Variants in TNFRSF10D observed in about 807,000 individuals in gnomAD.
TNFRSF10D encodes the protein tumor necrosis factor receptor superfamily member 10D.
A neutral mutation model predicts 42.1 loss-of-function variants in TNFRSF10D; 28 were observed. That is an observed-to-expected ratio of 0.66 (90% CI 0.49 to 0.91). The LOEUF is 0.91. TNFRSF10D is among the 40% of genes least tolerant of loss of function. The pLI, the probability that TNFRSF10D is intolerant of heterozygous loss-of-function variation, is 0.00. For synonymous variants in TNFRSF10D, 186 were observed against 189.4 expected, an observed-to-expected ratio of 0.98 and a Z score of 0.15; for missense variants, 503 against 486.1, an observed-to-expected ratio of 1.03 and a Z score of -0.33.
At chr8:23,148,254 T>G (rs528454296) in intron 3 of TNFRSF10D, among the ~76,000 whole-genome samples, 184 bp downstream of exon 3, 2 of 147,824 alleles carry the variant, frequency 1.4e-5, no homozygotes, top group African/African-American at 2.5e-5. Flanking sequence ...AATAAATAAA[T>G]AAAAGAAAAG....
chr8:23,155,382 G>C (rs545342828), intron 1 of TNFRSF10D, among the ~76,000 whole-genome samples: 2 of 151,800 alleles, frequency 1.3e-5, no homozygotes, highest in Admixed American at 1.3e-4. Flanking sequence ...AAGCAAGTTG[G>C]GTAACAGGAA....
At chr8:23,144,754 G>A in intron 6 of TNFRSF10D, 119 bp from the exon 7 acceptor site, 1 of 1,261,936 alleles carries the variant, frequency 7.9e-7, no homozygotes, top group Non-Finnish European at 1.1e-6. Flanking sequence ...AGGCAGCTGA[G>A]GCTCAGCACA....
At chr8:23,160,109 T>C (rs1036215148) in intron 1 of TNFRSF10D, among the ~76,000 whole-genome samples, 1 of 152,032 alleles carries the variant, frequency 6.6e-6, no homozygotes, top group African/African-American at 2.4e-5. Flanking sequence ...TCCCTCATGC[T>C]ACCTCCTATT....
chr8:23,148,563 G>A lies in TNFRSF10D; in HGVS notation c.257-12C>T, dbSNP rs748751215. On this transcript the variant is annotated splice_polypyrimidine_tract_variant and intron_variant, in intron 2 of 8. Transcript: ENST00000312584. ...TGATCTATGAGATCCTGGGAAGGGA[G>A]AGAAAAGTTAATGAATGAGTCACCA... 15 of 1,591,684 alleles carry A rather than the reference G, an allele frequency of 9.4e-6. No homozygotes were observed. Among genetic ancestry groups the A allele is most frequent in the Non-Finnish European group, 1.7e-6 (2 of 1,162,642 alleles).
At chr8:23,146,856 C>T (rs1460481236) in intron 4 of TNFRSF10D, 105 bp downstream of exon 4, 8 of 979,568 alleles carry the variant, frequency 8.2e-6, no homozygotes, top group African/African-American at 4.9e-5. Flanking sequence ...AGGGAGGCCT[C>T]GGGCCTGGAG....
Position 23,138,082 on chromosome 8 carries a change from C to T in TNFRSF10D, c.1028-79G>A, listed in dbSNP as rs1814370667. 8 of 1,608,124 alleles carry T rather than the reference C, an allele frequency of 5.0e-6. No homozygotes were observed. In the South Asian group the frequency reaches 5.5e-5, roughly 11 times the overall value. ...GGATCGACATGGGGCCCCCTGCTTC[C>T]AGCAGTGAAACCTCCAGAAGAGCCC... On this transcript the variant is annotated intron_variant, in intron 8 of 8. Coordinates refer to ENST00000312584, the MANE Select transcript of TNFRSF10D (RefSeq NM_003840.5).
intron 1 of TNFRSF10D, among the ~76,000 whole-genome samples, chr8:23,163,310 C>A (rs1173014456): frequency 6.6e-6 from 1 of 152,074 alleles, no homozygotes; most frequent in Non-Finnish European, 1.5e-5. Context: ...ACCATGGTGG[C>A]TAGGCTGGTC....
chr8:23,140,288 C>T (rs1490043228), intron 7 of TNFRSF10D, among the ~76,000 whole-genome samples: 2 of 149,266 alleles, frequency 1.3e-5, no homozygotes, highest in South Asian at 2.1e-4. Context: ...GACTCTGTCT[C>T]AAAAAGAAAA....
intron 2 of TNFRSF10D, among the ~76,000 whole-genome samples, chr8:23,150,105 G>A (rs539967553): frequency 6.2e-3 from 942 of 152,156 alleles, no homozygotes; most frequent in African/African-American, 0.019. Context: ...TTGTGCCTTC[G>A]GGCTAGCACT....
chr8:23,148,073 A>C (rs1381684647), intron 3 of TNFRSF10D, among the ~76,000 whole-genome samples: 19 of 148,708 alleles, frequency 1.3e-4, no homozygotes, highest in South Asian at 4.3e-4. Context: ...TCCCAAAAAA[A>C]AAAAAAAAAA....
At chr8:23,143,373 A>G (rs1800061059) in intron 7 of TNFRSF10D, among the ~76,000 whole-genome samples, 1 of 150,912 alleles carries the variant, frequency 6.6e-6, no homozygotes, top group South Asian at 2.2e-4. Context: ...TTATGCCTGT[A>G]ATCCCACCAC....
chr8:23,145,557 G>T, intron 5 of TNFRSF10D, 111 bp downstream of exon 5: 1 of 1,521,382 alleles, frequency 6.6e-7, no homozygotes, highest in Non-Finnish European at 8.9e-7. Flanking sequence ...ACCAAGCCAG[G>T]CTGGAGACGC....
intron 2 of TNFRSF10D, among the ~76,000 whole-genome samples, chr8:23,154,149 T>A (rs1452650354): frequency 6.6e-6 from 1 of 152,172 alleles, no homozygotes; most frequent in South Asian, 2.1e-4. Flanking sequence ...ATCTCACATA[T>A]GTGGAATCTT....
chr8:23,148,962 G>A (rs145577756), intron 2 of TNFRSF10D, among the ~76,000 whole-genome samples: 4,828 of 151,698 alleles, frequency 0.032, 251 homozygotes, highest in African/African-American at 0.11. Flanking sequence ...AGGCCAAGGC[G>A]GACGAATCAC....
chr8:23,152,500 T>C (rs1318011055), intron 2 of TNFRSF10D, among the ~76,000 whole-genome samples: 1 of 152,108 alleles, frequency 6.6e-6, no homozygotes, highest in Non-Finnish European at 1.5e-5. Context: ...ATGTGTTGGG[T>C]TTGGGGTCAG....
At chr8:23,146,041 C>T (rs1225637446) in intron 4 of TNFRSF10D, 120 bp from the exon 5 acceptor site, 20 of 1,399,082 alleles carry the variant, frequency 1.4e-5, no homozygotes, top group Middle Eastern at 2.5e-4. Flanking sequence ...ACAGGCTCCT[C>T]GTGTCAGCAG....
At chr8:23,150,267 A>G (rs1454457846) in intron 2 of TNFRSF10D, among the ~76,000 whole-genome samples, 2 of 152,138 alleles carry the variant, frequency 1.3e-5, no homozygotes, top group African/African-American at 2.4e-5. Flanking sequence ...TGCAGACCCA[A>G]GTACAAGGCC....
At chr8:23,158,589 T>C (rs996831108) in intron 1 of TNFRSF10D, among the ~76,000 whole-genome samples, 2 of 152,236 alleles carry the variant, frequency 1.3e-5, no homozygotes, top group Admixed American at 1.3e-4. Context: ...AATAGACCTA[T>C]ACGTTTACCA....
rs530895346 is a variant in TNFRSF10D at position 23,140,458 on chromosome 8, C to CT, written c.955-2199dup. On this transcript the variant is annotated intron_variant, in intron 7 of 8. Coordinates refer to ENST00000312584, the MANE Select transcript of TNFRSF10D (RefSeq NM_003840.5). ...CTCTACCCAAGGATGTGAAAGATCT[C>CT]TAAGAGAATTACAAAACACTGCTAA... is the stretch of plus-strand genomic sequence containing the variant. Among the ~76,000 whole-genome samples, 162 of 151,654 alleles carry CT rather than the reference C, an allele frequency of 1.1e-3. 1 individual carries two copies. The highest frequency in any genetic ancestry group is 3.8e-3 in the African/African-American group (158 of 41,326).
Sources: gnomAD v4.1 joint callset for allele counts (sites outside exome capture counted in the v4.1 genomes callset) on GRCh38, gnomAD v4.1.1 for gene constraint, MANE v1.5 for transcripts, NCBI Gene and HGNC (gene_info 2026-07-23, HGNC 2026-07-21) for gene names.